SPAG16: variants seen among roughly 807,000 people sequenced by gnomAD.
SPAG16 encodes the protein sperm-associated antigen 16 protein.
Under a neutral mutation model 80.4 loss-of-function variants are expected in SPAG16, and 86 were observed. That is an observed-to-expected ratio of 1.07 (90% CI 0.90 to 1.28). The LOEUF (loss-of-function observed/expected upper bound fraction) is 1.28, where lower values mean the gene tolerates loss of function less well. Among genes scored for constraint, SPAG16 ranks in the 50% most tolerant of loss-of-function variants. SPAG16 has a pLI of 0.00. For missense variants in SPAG16, 870 were observed against 765.3 expected, an observed-to-expected ratio of 1.14 and a Z score of -1.61; for synonymous variants, 294 against 265.9, an observed-to-expected ratio of 1.11 and a Z score of -1.03.
chr2:213,896,617 T>C (rs60774375), intron 11 of SPAG16, among the ~76,000 whole-genome samples: 2,800 of 107,538 alleles, frequency 0.026, 108 homozygotes, highest in African/African-American at 0.088. Context: ...CACACACACA[T>C]AGATATGTAC....
At chr2:213,443,660 A>G (rs541068466) in intron 9 of SPAG16, among the ~76,000 whole-genome samples, 247 of 152,344 alleles carry the variant, frequency 1.6e-3, no homozygotes, top group African/African-American at 5.6e-3. Flanking sequence ...ACCTTTGGGC[A>G]TATACCCAGC....
At chr2:213,924,056 C>G (rs893017674) in intron 11 of SPAG16, 1 of 152,344 alleles carries the variant, frequency 6.6e-6, no homozygotes, top group Non-Finnish European at 1.5e-5. Context: ...GAGTGGCAGG[C>G]CAAATTCAGG....
At chr2:214,373,940 G>A (rs1357943334) in intron 15 of SPAG16, among the ~76,000 whole-genome samples, 1 of 152,162 alleles carries the variant, frequency 6.6e-6, no homozygotes, top group African/African-American at 2.4e-5. Context: ...CATGTTCCAG[G>A]GATATGGAGG....
At chr2:214,001,469 C>T (rs925974369) in intron 12 of SPAG16, among the ~76,000 whole-genome samples, 75 of 152,180 alleles carry the variant, frequency 4.9e-4, no homozygotes, top group Admixed American at 2.9e-3. Context: ...GTCTGGGGTT[C>T]AGGCACATGA....
At chr2:213,680,391 G>A (rs1186567068) in intron 10 of SPAG16, among the ~76,000 whole-genome samples, 3 of 150,848 alleles carry the variant, frequency 2.0e-5, no homozygotes, top group Non-Finnish European at 2.9e-5. Flanking sequence ...AATGACTCCT[G>A]TGTTGTCTTT....
chr2:213,652,438 T>G (rs976708368), intron 10 of SPAG16, among the ~76,000 whole-genome samples: 1 of 152,188 alleles, frequency 6.6e-6, no homozygotes. Context: ...TTGAACATGC[T>G]TTAATACACA....
chr2:213,834,380 T>C (rs1035505941), intron 10 of SPAG16, among the ~76,000 whole-genome samples: 3 of 152,132 alleles, frequency 2.0e-5, no homozygotes, highest in Admixed American at 2.0e-4. Context: ...ATGCTAAGTC[T>C]GATGAAAAAA....
chr2:214,405,114 T>A (rs553287561), intron 15 of SPAG16, among the ~76,000 whole-genome samples: 5 of 152,172 alleles, frequency 3.3e-5, no homozygotes, highest in African/African-American at 1.2e-4. Context: ...TATCTGAGTC[T>A]TTTTTGCTTA....
chr2:213,599,008 G>C (rs900380426), intron 10 of SPAG16, among the ~76,000 whole-genome samples: 1 of 152,134 alleles, frequency 6.6e-6, no homozygotes, highest in African/African-American at 2.4e-5. Flanking sequence ...TATAGGAAAG[G>C]TTATGTCTCC....
At chr2:214,171,079 G>A (rs184273497) in intron 15 of SPAG16, among the ~76,000 whole-genome samples, 24 of 152,006 alleles carry the variant, frequency 1.6e-4, no homozygotes, top group South Asian at 1.2e-3. Flanking sequence ...ATCCAAGAGC[G>A]CCTCACAAGA....
At chr2:214,045,851 A>G (rs1575961143) in intron 13 of SPAG16, among the ~76,000 whole-genome samples, 1 of 152,194 alleles carries the variant, frequency 6.6e-6, no homozygotes, top group Non-Finnish European at 1.5e-5. Context: ...AAGAAATAAT[A>G]AAAATCAGAG....
chr2:213,318,454 T>C (rs2063489529), intron 5 of SPAG16, among the ~76,000 whole-genome samples: 1 of 151,898 alleles, frequency 6.6e-6, no homozygotes, highest in Admixed American at 6.6e-5. Context: ...AAGCAATAAG[T>C]ACATATGGAC....
chr2:213,374,924 AG>A, intron 8 of SPAG16, 85 bp from the exon 9 acceptor site: 1 of 856,278 alleles, frequency 1.2e-6, no homozygotes, highest in Non-Finnish European at 1.8e-6. Context: ...TGCATCATTG[AG>A]GTTTTGGTTT....
intron 9 of SPAG16, among the ~76,000 whole-genome samples, chr2:213,459,995 G>A (rs998512931): frequency 5.3e-5 from 8 of 152,156 alleles, no homozygotes; most frequent in South Asian, 2.1e-4. Context: ...TTGAAAAATC[G>A]AATATATGTT....
chr2:213,856,950 A>C (rs990200037), intron 10 of SPAG16, among the ~76,000 whole-genome samples: 1 of 152,168 alleles, frequency 6.6e-6, no homozygotes, highest in Non-Finnish European at 1.5e-5. Flanking sequence ...AATCATCAGC[A>C]TAGGATGGGT....
At chr2:214,059,806 T>C (rs2050162271) in intron 13 of SPAG16, among the ~76,000 whole-genome samples, 1 of 152,092 alleles carries the variant, frequency 6.6e-6, no homozygotes, top group Non-Finnish European at 1.5e-5. Flanking sequence ...ATGGGGATAT[T>C]ATGGGTTCTG....
At chr2:213,772,675 A>C (rs1305364805) in intron 10 of SPAG16, among the ~76,000 whole-genome samples, 1 of 152,148 alleles carries the variant, frequency 6.6e-6, no homozygotes, top group East Asian at 1.9e-4. Context: ...TGTCAGGTAG[A>C]TTAATTCTCC....
At chr2:213,783,243 C>T (rs538415588) in intron 10 of SPAG16, among the ~76,000 whole-genome samples, 141 of 150,648 alleles carry the variant, frequency 9.4e-4, no homozygotes, top group Non-Finnish European at 1.7e-3. Context: ...TTTTTTATGG[C>T]TGCATAGTAT....
chr2:213,442,056 G>T (rs1482168416), intron 9 of SPAG16, among the ~76,000 whole-genome samples: 1 of 152,200 alleles, frequency 6.6e-6, no homozygotes, highest in Non-Finnish European at 1.5e-5. Context: ...GTTGAGGCAG[G>T]AGAATCTCTT....
Sources: gnomAD v4.1 joint callset for allele counts (sites outside exome capture counted in the v4.1 genomes callset) on GRCh38, gnomAD v4.1.1 for gene constraint, MANE v1.5 for transcripts, NCBI Gene and HGNC (gene_info 2026-07-23, HGNC 2026-07-21) for gene names.